The following UNC5A variants were observed in gnomAD, a reference collection of about 807,000 sequenced individuals.
The protein encoded by UNC5A is netrin receptor UNC5A.
UNC5A carries 20 observed loss-of-function variants against 87.4 expected under a neutral mutation model. The observed-to-expected ratio is 0.23, with a 90% CI of 0.16 to 0.33. The LOEUF (loss-of-function observed/expected upper bound fraction) is 0.33. UNC5A is among the 10% of genes least tolerant of loss of function. The probability of loss-of-function intolerance (pLI) is 1.00; values close to 1 mark genes in which losing one functional copy is unlikely to be tolerated. For missense variants in UNC5A, 844 were observed against 1,133.4 expected, an observed-to-expected ratio of 0.74 and a Z score of 3.67; for synonymous variants, 438 against 482.3, an observed-to-expected ratio of 0.91 and a Z score of 1.20.
At chr5:176,826,955 A>C (rs1422494830) in intron 1 of UNC5A, among the ~76,000 whole-genome samples, 1 of 151,414 alleles carries the variant, frequency 6.6e-6, no homozygotes, top group East Asian at 2.0e-4. Context: ...TTTTCATCAG[A>C]ACAAAGGAGA....
At chr5:176,879,089 A>G (rs551761713) in intron 13 of UNC5A, among the ~76,000 whole-genome samples, 1 of 152,248 alleles carries the variant, frequency 6.6e-6, no homozygotes, top group East Asian at 1.9e-4. Flanking sequence ...GGGAGGCCAC[A>G]GAGGGCTCCT....
chr5:176,864,929 C>T (rs935669052), intron 2 of UNC5A: 1 of 432,926 alleles, frequency 2.3e-6, no homozygotes, highest in African/African-American at 2.0e-5. Context: ...GCCTCCCTGC[C>T]CAGCAGCAGG....
At chr5:176,823,351 G>C (rs538726064) in intron 1 of UNC5A, among the ~76,000 whole-genome samples, 1 of 152,080 alleles carries the variant, frequency 6.6e-6, no homozygotes, top group Non-Finnish European at 1.5e-5. Context: ...TGGACAGGGC[G>C]CCTGGGTCAC....
intron 2 of UNC5A, 99 bp from the exon 3 acceptor site, chr5:176,868,031 T>A: frequency 1.8e-6 from 2 of 1,097,134 alleles, no homozygotes; most frequent in Non-Finnish European, 2.5e-6. Context: ...GTCCACTCCC[T>A]TGCCAGTCAG....
intron 1 of UNC5A, among the ~76,000 whole-genome samples, chr5:176,855,676 G>A (rs574130704): frequency 2.6e-5 from 4 of 152,358 alleles, no homozygotes; most frequent in African/African-American, 7.2e-5. Flanking sequence ...AGAGGCACAA[G>A]TGGCACGTCA....
chr5:176,861,236 T>C (rs899909920), intron 1 of UNC5A, among the ~76,000 whole-genome samples: 11 of 152,230 alleles, frequency 7.2e-5, no homozygotes, highest in African/African-American at 2.7e-4. Context: ...CTACGCTCCC[T>C]GAGCACTGTG....
intron 3 of UNC5A, 34 bp downstream of exon 3, chr5:176,868,307 A>C: frequency 1.2e-6 from 2 of 1,610,094 alleles, no homozygotes; most frequent in African/African-American, 1.3e-5. Flanking sequence ...GGGAGGGCGC[A>C]CGGCGGGAGG....
rs1033809613 is a variant in UNC5A, at chr5:176,848,006, G to A, written c.71-14618G>A. On this transcript the variant is annotated intron_variant, in intron 1 of 14. Coordinates refer to ENST00000329542, the MANE Select transcript of UNC5A (RefSeq NM_133369.3). This position sits in a 1 kb window ranked among gnomAD's most constrained non-coding sequence, Gnocchi z 5.8. ...GGGAAGGGCTGGGCTTCTTGAGGGC[G>A]GAGGCTCCTGCTGCCTTCCCACACC... Among the ~76,000 whole-genome samples the A allele has an allele frequency of 6.6e-6, 1 of 152,112 alleles. No homozygotes were observed. The highest frequency in any genetic ancestry group is 2.4e-5 in the African/African-American group (1 of 41,400).
Position 176,862,717 on chromosome 5 carries a change from T to A in UNC5A, c.164T>A (p.Ile55Asn). ...CTGGTGGAGCCCGAGGATGTGTACA[T>A]CGTCAAGAACAAGCCAGTGCTGCTT... ...HFLVEPEDVY[I>N]VKNKPVLLVC... Residue 55 changes from isoleucine to asparagine, a missense_variant, in exon 2 of 15, where the codon ATC (isoleucine) becomes AAC (asparagine). This residue lies in a region of UNC5A where 314 missense variants were observed against 466.5 expected (regional missense o/e 0.67). Transcript: ENST00000329542. 1 of 1,613,486 alleles carries A rather than the reference T, an allele frequency of 6.2e-7. No homozygotes were observed. Among genetic ancestry groups the A allele is most frequent in the Non-Finnish European group, 8.5e-7 (1 of 1,179,980 alleles).
intron 1 of UNC5A, among the ~76,000 whole-genome samples, chr5:176,836,782 C>T (rs1757156570): frequency 6.6e-6 from 1 of 152,218 alleles, no homozygotes; most frequent in African/African-American, 2.4e-5. Context: ...GGAAATCCTG[C>T]TGCACTCAGC....
At chr5:176,863,300 C>T (rs1374078043) in intron 2 of UNC5A, among the ~76,000 whole-genome samples, 2 of 152,150 alleles carry the variant, frequency 1.3e-5, no homozygotes, top group Non-Finnish European at 2.9e-5. Context: ...GGGACACAGC[C>T]CAGGAAAGCC....
intron 1 of UNC5A, among the ~76,000 whole-genome samples, chr5:176,822,500 G>A (rs1017497544): frequency 2.6e-5 from 4 of 152,354 alleles, no homozygotes; most frequent in Non-Finnish European, 5.9e-5. Flanking sequence ...GAAGGTTGGC[G>A]TGGTGAAGGG....
chr5:176,824,394 G>T lies in UNC5A; in HGVS notation c.70+13574G>T, dbSNP rs968218208. On this transcript the variant is annotated intron_variant, in intron 1 of 14. Coordinates refer to ENST00000329542, the MANE Select transcript of UNC5A (RefSeq NM_133369.3). This position sits in a 1 kb window ranked among gnomAD's most constrained non-coding sequence, Gnocchi z 4.2. ...CTGGCCCTAGATCCACAAACTTCCC[G>T]CTTTAACGCCCGTGTGAGTTGGGTT... is the stretch of plus-strand genomic sequence containing the variant. Among the ~76,000 whole-genome samples, 7 of 152,166 alleles carry T rather than the reference G, an allele frequency of 4.6e-5. No homozygotes were observed. The East Asian group carries it at 9.7e-4, about 21-fold the overall frequency.
intron 1 of UNC5A, among the ~76,000 whole-genome samples, chr5:176,839,169 A>G (rs1757210414): frequency 6.6e-6 from 1 of 151,342 alleles, no homozygotes; most frequent in African/African-American, 2.4e-5. Context: ...CCCTTACCCC[A>G]CTCCTGTCAC....
chr5:176,841,393 G>C lies in UNC5A; in HGVS notation c.71-21231G>C, dbSNP rs570975786. ...TGCACCCAGGGCTGAGCCTAGAAGA[G>C]CTGTGAGATGCAGCATAGCAGGGGA... On this transcript the variant is annotated intron_variant, in intron 1 of 14. Transcript: ENST00000329542. This position sits in a 1 kb window ranked among gnomAD's most constrained non-coding sequence, Gnocchi z 4.1. Among the ~76,000 whole-genome samples the C allele has an allele frequency of 6.6e-6, 1 of 152,222 alleles. No individual in the cohort carries two copies. The highest frequency in any genetic ancestry group is 2.4e-5 in the African/African-American group (1 of 41,464).
Position 176,862,824 on chromosome 5 carries a change from C to T in UNC5A, c.271C>T (p.Arg91Cys), listed in dbSNP as rs375724945. 5 of 1,613,136 alleles carry T rather than the reference C, an allele frequency of 3.1e-6. No individual in the cohort carries two copies. Among genetic ancestry groups the T allele is most frequent in the Non-Finnish European group, 4.2e-6 (5 of 1,179,858 alleles). ...GCGCCAGGTGGACCACGTGATCGAG[C>T]GCAGCACAGACGGGAGCAGTGGTGA... ...WVRQVDHVIE[R>C]STDGSSGLPT... Residue 91 changes from arginine to cysteine, a missense_variant, in exon 2 of 15, where the codon CGC becomes TGC. Arg to Cys is a radical substitution (Grantham distance 180). This residue lies in a region of UNC5A where 314 missense variants were observed against 466.5 expected (regional missense o/e 0.67). Coordinates refer to ENST00000329542, the MANE Select transcript of UNC5A (RefSeq NM_133369.3).
chr5:176,843,578 A>T (rs1287712479), intron 1 of UNC5A, among the ~76,000 whole-genome samples: 1 of 152,250 alleles, frequency 6.6e-6, no homozygotes, highest in Non-Finnish European at 1.5e-5. Flanking sequence ...ACATTATTTT[A>T]TGCTTTAAGA....
At chr5:176,845,564 G>A (rs1224756475) in intron 1 of UNC5A, among the ~76,000 whole-genome samples, 1 of 152,230 alleles carries the variant, frequency 6.6e-6, no homozygotes, top group Admixed American at 6.5e-5. Flanking sequence ...TTGGGGCCTG[G>A]CACAGAGCAA....
intron 1 of UNC5A, among the ~76,000 whole-genome samples, chr5:176,815,556 T>C (rs1756566158): frequency 6.6e-6 from 1 of 152,232 alleles, no homozygotes; most frequent in Non-Finnish European, 1.5e-5. Context: ...TAGTAACAGA[T>C]TGATGGGCAA....
Sources: gnomAD v4.1 joint callset for allele counts (sites outside exome capture counted in the v4.1 genomes callset) on GRCh38, gnomAD v4.1.1 for gene constraint, gnomAD v4.1.1 regional missense constraint, Gnocchi (gnomAD v3.1) non-coding constraint, MANE v1.5 for transcripts, NCBI Gene and HGNC (gene_info 2026-07-23, HGNC 2026-07-21) for gene names.